KLF8: variants seen among roughly 807,000 people sequenced by gnomAD.
The protein encoded by KLF8 is Krueppel-like factor 8.
In KLF8, 10 loss-of-function variants were observed where a neutral mutation model predicts 18.2. The ratio of observed to expected loss-of-function variants is 0.55; its 90% CI spans 0.34 to 0.93. The LOEUF is 0.93. Ranked by LOEUF, KLF8 falls within the 40% of genes least tolerant of loss-of-function variation. The pLI is 0.02. For synonymous variants in KLF8, 109 were observed against 97.3 expected (o/e 1.12, Z -0.71); for missense variants, 264 against 277.9 (o/e 0.95, Z 0.36).
the KLF8 span, among the ~76,000 whole-genome samples, chrX:55,937,643 G>A: frequency 2.7e-5 from 3 of 111,673 alleles, no homozygotes; most frequent in Admixed American, 9.5e-5. Context: ...TTAGACAAAC[G>A]ACTAACTAGA....
chrX:56,223,970 T>C, the KLF8 span, among the ~76,000 whole-genome samples: 9 of 111,150 alleles, frequency 8.1e-5, no homozygotes, highest in Non-Finnish European at 1.7e-4. Flanking sequence ...GGGGTCTCAC[T>C]ATATTGTCCA....
At chrX:55,980,840 G>T in the KLF8 span, among the ~76,000 whole-genome samples, 5 of 112,008 alleles carry the variant, frequency 4.5e-5, no homozygotes, top group South Asian at 1.9e-3. Context: ...AAAATCTTAG[G>T]CTTCTCCCCC....
chrX:56,103,239 T>A, the KLF8 span, among the ~76,000 whole-genome samples: 1 of 110,852 alleles, frequency 9.0e-6, no homozygotes, highest in Non-Finnish European at 1.9e-5. Flanking sequence ...TTTTTCCAAT[T>A]CTGTGAAGAA....
At chrX:56,269,525 ATGTGTGTGTG>A in intron 4 of KLF8, 36 bp downstream of exon 4, 4 of 1,039,068 alleles carry the variant, frequency 3.8e-6, no homozygotes, top group Non-Finnish European at 5.1e-6. Flanking sequence ...GTCTTTGTGT[ATGTGTGTGTG>A]TGTGTGTGTG....
At chrX:56,160,822 A>T in the KLF8 span, among the ~76,000 whole-genome samples, 1 of 111,215 alleles carries the variant, frequency 9.0e-6, no homozygotes, top group Non-Finnish European at 1.9e-5. Flanking sequence ...CAGCACACTG[A>T]TGGGTCTTGA....
At chrX:55,937,027 T>C in the KLF8 span, among the ~76,000 whole-genome samples, 2 of 111,466 alleles carry the variant, frequency 1.8e-5, no homozygotes, top group Admixed American at 1.9e-4. Flanking sequence ...AAGAGAGTAG[T>C]GGCTCTCCCA....
At chrX:56,138,367 G>T in the KLF8 span, among the ~76,000 whole-genome samples, 3 of 110,584 alleles carry the variant, frequency 2.7e-5, no homozygotes, top group Non-Finnish European at 5.7e-5. Flanking sequence ...GAACAAAAAA[G>T]GAAAACTTCA....
At chrX:56,043,620 T>C in the KLF8 span, among the ~76,000 whole-genome samples, 2 of 112,328 alleles carry the variant, frequency 1.8e-5, no homozygotes, top group African/African-American at 6.5e-5. Context: ...TGATTGATAC[T>C]TGTGATTGAT....
At chrX:56,103,190 G>A in the KLF8 span, among the ~76,000 whole-genome samples, 2 of 110,183 alleles carry the variant, frequency 1.8e-5, no homozygotes, top group African/African-American at 6.6e-5. Context: ...ACTTGGCAAT[G>A]TGGGCTCTTT....
chrX:56,215,526 A>AT, the KLF8 span, among the ~76,000 whole-genome samples: 1 of 108,758 alleles, frequency 9.2e-6, no homozygotes, highest in Non-Finnish European at 1.9e-5. Flanking sequence ...TCAGAAATTC[A>AT]CATATCCAAT....
the KLF8 span, among the ~76,000 whole-genome samples, chrX:55,985,494 T>C: frequency 3.6e-5 from 4 of 111,873 alleles, no homozygotes; most frequent in Non-Finnish European, 7.5e-5. Flanking sequence ...TGTGTCTGTT[T>C]TTGTACCAGT....
At chrX:55,996,452 C>T in the KLF8 span, among the ~76,000 whole-genome samples, 2 of 111,887 alleles carry the variant, frequency 1.8e-5, no homozygotes, top group Non-Finnish European at 3.8e-5. Flanking sequence ...TTTGAGTCAT[C>T]AGAATTCTTA....
At chrX:56,186,914 G>A in the KLF8 span, among the ~76,000 whole-genome samples, 3 of 111,907 alleles carry the variant, frequency 2.7e-5, no homozygotes, top group African/African-American at 9.7e-5. Flanking sequence ...ATGCCCACAA[G>A]AGAAAGCAGG....
At chrX:55,924,971 T>A in the KLF8 span, among the ~76,000 whole-genome samples, 1 of 99,048 alleles carries the variant, frequency 1.0e-5, no homozygotes, top group African/African-American at 3.7e-5. Context: ...TTCTCCTGCC[T>A]CAGCCTCACT....
chrX:56,165,619 T>C, the KLF8 span, among the ~76,000 whole-genome samples: 1 of 111,896 alleles, frequency 8.9e-6, no homozygotes, highest in Non-Finnish European at 1.9e-5. Context: ...GTAATCCCCA[T>C]ATTTTGGGAG....
the KLF8 span, among the ~76,000 whole-genome samples, chrX:56,173,297 C>T: frequency 1.8e-5 from 2 of 111,835 alleles, no homozygotes; most frequent in African/African-American, 6.5e-5. Context: ...GGAAGGGATC[C>T]AGTTTCAGCT....
At chrX:56,247,579 C>CT (rs1327033387) in intron 1 of KLF8, among the ~76,000 whole-genome samples, 1 of 111,212 alleles carries the variant, frequency 9.0e-6, no homozygotes, top group Non-Finnish European at 1.9e-5. Context: ...ATTTTATAAG[C>CT]TTTTTTCTAT....
At chrX:56,002,507 A>AT in the KLF8 span, among the ~76,000 whole-genome samples, 5 of 109,561 alleles carry the variant, frequency 4.6e-5, no homozygotes, top group African/African-American at 1.0e-4. Context: ...AGCAGGGACC[A>AT]TTTTTTTCTT....
At chrX:55,928,436 C>T in the KLF8 span, among the ~76,000 whole-genome samples, 26 of 110,441 alleles carry the variant, frequency 2.4e-4, no homozygotes, top group Non-Finnish European at 1.3e-4. Flanking sequence ...CATAGGTATA[C>T]ATGTGCCATA....
Sources: gnomAD v4.1 joint callset for allele counts (sites outside exome capture counted in the v4.1 genomes callset) on GRCh38, gnomAD v4.1.1 for gene constraint, MANE v1.5 for transcripts, NCBI Gene and HGNC (gene_info 2026-07-23, HGNC 2026-07-21) for gene names.